Variants in NAALADL2 observed in about 807,000 individuals in gnomAD.
NAALADL2 encodes N-acetylated alpha-linked acidic dipeptidase like 2, also known as inactive N-acetylated-alpha-linked acidic dipeptidase-like protein 2.
Under a neutral mutation model 87.2 loss-of-function variants are expected in NAALADL2, and 76 were observed. The observed-to-expected ratio is 0.87, with a 90% CI of 0.72 to 1.05. The LOEUF is 1.05. Ranked by LOEUF, NAALADL2 falls within the 50% of genes least tolerant of loss-of-function variation. The pLI, the probability that NAALADL2 is intolerant of heterozygous loss-of-function variation, is 0.00. For missense variants in NAALADL2, 1,089 were observed against 945.8 expected, an observed-to-expected ratio of 1.15 and a Z score of -1.99; for synonymous variants, 354 against 331.0, an observed-to-expected ratio of 1.07 and a Z score of -0.75.
Position 174,932,315 on chromosome 3 carries a change from A to G in NAALADL2, c.43+72865A>G, listed in dbSNP as rs140730247. Reference sequence around the variant, plus strand: ...TGTATTATATGTTCTCACTCTGATAATAAGCATAGTGACATTATATAAAAT... The same window carrying G: ...TGTATTATATGTTCTCACTCTGATAGTAAGCATAGTGACATTATATAAAAT... On this transcript the variant is annotated intron_variant, in intron 1 of 13. Coordinates refer to ENST00000454872, the MANE Select transcript of NAALADL2 (RefSeq NM_207015.3). Among the ~76,000 whole-genome samples, 6 of 152,348 alleles carry G rather than the reference A, an allele frequency of 3.9e-5. No homozygotes were observed. The East Asian group carries it at 1.2e-3, about 29-fold the overall frequency.
At chr3:174,665,190 G>A (rs1725851550) in intron 2 of NAALADL2, among the ~76,000 whole-genome samples, 1 of 152,112 alleles carries the variant, frequency 6.6e-6, no homozygotes, top group Non-Finnish European at 1.5e-5. Flanking sequence ...GAATTATTAT[G>A]AGCATTACAT....
At chr3:174,573,509 G>A (rs1024468795) in intron 2 of NAALADL2, among the ~76,000 whole-genome samples, 1 of 152,136 alleles carries the variant, frequency 6.6e-6, no homozygotes, top group African/African-American at 2.4e-5. Context: ...GAATATCTAA[G>A]GCTGGGTAAT....
chr3:174,708,154 C>G (rs1366416488), intron 2 of NAALADL2, among the ~76,000 whole-genome samples: 1 of 152,118 alleles, frequency 6.6e-6, no homozygotes, highest in Non-Finnish European at 1.5e-5. Context: ...TATGGTTTGA[C>G]TCATGTTATT....
chr3:174,538,646 G>A (rs6797597), intron 1 of NAALADL2, among the ~76,000 whole-genome samples: 30,706 of 151,920 alleles, frequency 0.2, 4,376 homozygotes, highest in East Asian at 0.53. Context: ...TGGATAAGAA[G>A]CATTTACAAT....
chr3:174,589,858 T>G (rs1044810014), intron 2 of NAALADL2, among the ~76,000 whole-genome samples: 12 of 143,116 alleles, frequency 8.4e-5, no homozygotes, highest in Middle Eastern at 3.6e-3. Context: ...TGTTGCTGTG[T>G]TTTTTTTTTT....
intron 10 of NAALADL2, among the ~76,000 whole-genome samples, chr3:175,600,268 A>G (rs1418033415): frequency 6.6e-6 from 1 of 151,732 alleles, no homozygotes; most frequent in Admixed American, 6.6e-5. Context: ...CAAGACACTC[A>G]TTTTTAAATG....
chr3:175,737,204 G>C, intron 11 of NAALADL2, 102 bp from the exon 12 acceptor site: 1 of 666,820 alleles, frequency 1.5e-6, no homozygotes, highest in South Asian at 1.8e-5. Flanking sequence ...GTGTGTTTTT[G>C]CTGCTCTAGA....
intron 2 of NAALADL2, among the ~76,000 whole-genome samples, chr3:174,590,106 C>G (rs528448060): frequency 2.3e-4 from 35 of 152,072 alleles, no homozygotes; most frequent in Middle Eastern, 3.4e-3. Flanking sequence ...GATTATAAGA[C>G]TTATCTCACC....
At chr3:175,196,595 A>G (rs1739041898) in intron 2 of NAALADL2, among the ~76,000 whole-genome samples, 1 of 151,966 alleles carries the variant, frequency 6.6e-6, no homozygotes, top group Admixed American at 6.6e-5. Context: ...AGTTTTATAC[A>G]TTGACTTCGC....
intron 13 of NAALADL2, among the ~76,000 whole-genome samples, chr3:175,763,481 C>A (rs987051764): frequency 1.4e-4 from 22 of 152,144 alleles, no homozygotes; most frequent in Admixed American, 2.6e-4. Context: ...TCTTCACTCA[C>A]CCATACACTA....
At chr3:175,379,221 T>G (rs1467044777) in intron 5 of NAALADL2, among the ~76,000 whole-genome samples, 9 of 151,934 alleles carry the variant, frequency 5.9e-5, no homozygotes, top group Admixed American at 5.9e-4. Flanking sequence ...TAGAATAGTC[T>G]TCTTTCATTA....
chr3:175,486,424 C>T (rs1727266715), intron 9 of NAALADL2, among the ~76,000 whole-genome samples: 1 of 152,096 alleles, frequency 6.6e-6, no homozygotes, highest in Non-Finnish European at 1.5e-5. Flanking sequence ...CTTAGTGACT[C>T]AAAGGACGTT....
chr3:175,754,564 C>A (rs896523947), intron 12 of NAALADL2, among the ~76,000 whole-genome samples: 20 of 152,022 alleles, frequency 1.3e-4, no homozygotes, highest in African/African-American at 4.8e-4. Flanking sequence ...CAGGACATTT[C>A]TAGTAAAGAA....
At chr3:175,679,278 A>T (rs1399650580) in intron 11 of NAALADL2, among the ~76,000 whole-genome samples, 2 of 90,008 alleles carry the variant, frequency 2.2e-5, no homozygotes, top group Non-Finnish European at 4.0e-5. Flanking sequence ...AAGTATAGTT[A>T]AAAAAAAAAA....
chr3:175,380,218 A>G (rs761387298), intron 5 of NAALADL2, among the ~76,000 whole-genome samples: 3 of 152,150 alleles, frequency 2.0e-5, no homozygotes, highest in Non-Finnish European at 4.4e-5. Flanking sequence ...TTAAAAAAAT[A>G]AATTAATTAA....
At chr3:175,798,522 T>C (rs1286365260) in intron 13 of NAALADL2, among the ~76,000 whole-genome samples, 2 of 152,090 alleles carry the variant, frequency 1.3e-5, no homozygotes, top group African/African-American at 4.8e-5. Context: ...TTTCTGCTCA[T>C]AGGGCTTGTT....
At chr3:175,140,452 A>C (rs1383342411) in intron 2 of NAALADL2, among the ~76,000 whole-genome samples, 1 of 152,160 alleles carries the variant, frequency 6.6e-6, no homozygotes, top group African/African-American at 2.4e-5. Flanking sequence ...ACAGTGTGCA[A>C]TAGATGCACA....
At chr3:175,510,121 T>C (rs916480309) in intron 9 of NAALADL2, among the ~76,000 whole-genome samples, 8 of 151,830 alleles carry the variant, frequency 5.3e-5, no homozygotes, top group Non-Finnish European at 8.8e-5. Flanking sequence ...TTTCTTGCGA[T>C]AGTTTACTGA....
chr3:175,322,203 T>C (rs1261266811), intron 4 of NAALADL2, among the ~76,000 whole-genome samples: 1 of 151,190 alleles, frequency 6.6e-6, no homozygotes, highest in African/African-American at 2.4e-5. Flanking sequence ...AACTATCTGA[T>C]CTTTGACAAA....
Sources: allele counts gnomAD v4.1 joint callset (sites outside exome capture counted in the v4.1 genomes callset), GRCh38; gene constraint gnomAD v4.1.1; transcripts MANE v1.5; gene names NCBI Gene and HGNC (gene_info 2026-07-23, HGNC 2026-07-21).